Variants in VTA1 observed in about 807,000 individuals in gnomAD.
The protein encoded by VTA1 is vacuolar protein sorting-associated protein VTA1 homolog.
In VTA1, 24 loss-of-function variants were observed where a neutral mutation model predicts 36.9. The observed-to-expected ratio is 0.65, with a 90% CI of 0.47 to 0.91. The LOEUF (loss-of-function observed/expected upper bound fraction) is 0.91, where lower values mean the gene tolerates loss of function less well. Among genes scored for constraint, VTA1 ranks in the 40% least tolerant of loss-of-function variants. The pLI, the probability that VTA1 is intolerant of heterozygous loss-of-function variation, is 0.00. For synonymous variants in VTA1, 142 were observed against 130.2 expected (o/e 1.09, Z -0.62); for missense variants, 393 against 377.2 (o/e 1.04, Z -0.35).
Position 142,211,651 on chromosome 6 carries a change from C to T in VTA1, c.779-6847C>T, listed in dbSNP as rs537398305. ...GCATGAACACGGGAGGCAGAGCTTG[C>T]AGTGAGCTGAGATAGCACCACTGCA... On this transcript the variant is annotated intron_variant, in intron 7 of 7. Transcript: ENST00000367630. Among the ~76,000 whole-genome samples the T allele has an allele frequency of 4.0e-3, 600 of 148,568 alleles. 2 individuals carry two copies. Among genetic ancestry groups the T allele is most frequent in the African/African-American group, 0.014 (575 of 40,060 alleles).
rs557583994 is a variant in VTA1 at position 142,215,560 on chromosome 6, G to A, written c.779-2938G>A. Among the ~76,000 whole-genome samples, 6 of 152,256 alleles carry A rather than the reference G, an allele frequency of 3.9e-5. No individual in the cohort carries two copies. In the South Asian group the frequency reaches 1.2e-3, roughly 32 times the overall value. ...ACTACTATTGTTGGAATTGTTAAGT[G>A]ACATGTCTCAGCAATGCCTGTATGT... is the stretch of plus-strand genomic sequence containing the variant. On this transcript the variant is annotated intron_variant, in intron 7 of 7. Coordinates refer to ENST00000367630, the MANE Select transcript of VTA1 (RefSeq NM_016485.5).
chr6:142,216,836 A>C (rs548409337), intron 7 of VTA1, among the ~76,000 whole-genome samples: 1 of 152,338 alleles, frequency 6.6e-6, no homozygotes, highest in South Asian at 2.1e-4. Context: ...TTCTTTCAGC[A>C]TGTCCAGTAA....
chr6:142,190,099 C>A (rs1775426054), intron 5 of VTA1, among the ~76,000 whole-genome samples: 1 of 152,148 alleles, frequency 6.6e-6, no homozygotes, highest in Non-Finnish European at 1.5e-5. Context: ...ATAGGAAAGG[C>A]AATCCATTTA....
At chr6:142,158,059 G>A (rs1434281395) in intron 1 of VTA1, among the ~76,000 whole-genome samples, 4 of 145,698 alleles carry the variant, frequency 2.7e-5, no homozygotes, top group Non-Finnish European at 6.0e-5. Flanking sequence ...CCACACTTTT[G>A]TAGCTCCCCC....
chr6:142,221,746 A>G lies in VTA1; in HGVS notation c.*3103A>G, dbSNP rs928458206. The G allele has an allele frequency of 6.7e-6, 1 of 149,690 alleles. No homozygotes were observed. Among genetic ancestry groups the G allele is most frequent in the Non-Finnish European group, 1.5e-5 (1 of 67,572 alleles). 9.3% of individuals were successfully genotyped at this position (149,690 alleles called of 1,614,324 possible). On this transcript the variant is annotated 3_prime_UTR_variant, in exon 8 of 8. Transcript: ENST00000367630. ...GGCAGGCGGATCATCTGAGGTCAGG[A>G]GTATATATTTATTAATATATAAATA...
chr6:142,167,647 C>G (rs988871084), intron 2 of VTA1, among the ~76,000 whole-genome samples: 2 of 152,180 alleles, frequency 1.3e-5, no homozygotes, highest in African/African-American at 4.8e-5. Context: ...CAGTAGTGTT[C>G]TCTCTCACTT....
chr6:142,163,200 T>G (rs1395405452), intron 1 of VTA1, among the ~76,000 whole-genome samples: 1 of 152,108 alleles, frequency 6.6e-6, no homozygotes, highest in African/African-American at 2.4e-5. Flanking sequence ...CCCAGCTGAT[T>G]GCAGTTCAAA....
At chr6:142,209,297 C>CA (rs917303987) in intron 7 of VTA1, among the ~76,000 whole-genome samples, 3 of 151,500 alleles carry the variant, frequency 2.0e-5, no homozygotes, top group African/African-American at 7.3e-5. Flanking sequence ...ACCATAGCTA[C>CA]AAAAAAATAT....
chr6:142,147,533 G>A, intron 1 of VTA1, 134 bp downstream of exon 1: 3 of 878,110 alleles, frequency 3.4e-6, no homozygotes, highest in Non-Finnish European at 5.3e-6. Flanking sequence ...CCTACCCAGG[G>A]AACTCCCTGG....
chr6:142,166,530 G>A (rs1774918142), intron 2 of VTA1, among the ~76,000 whole-genome samples: 1 of 152,066 alleles, frequency 6.6e-6, no homozygotes, highest in Admixed American at 6.5e-5. Flanking sequence ...GTATGTTCAA[G>A]TATCTTTGCA....
rs536087217 is a variant in VTA1, at chr6:142,147,332, G to C, written c.45G>C (p.Lys15Asn). ...TGCCCCCGCTCCCCGCACAGTTCAA[G>C]AGCATACAGCATCATCTGAGGACGG... ...APLPPLPAQFKSIQHHLRTAQ... is the reference protein window; with the variant it reads ...APLPPLPAQFNSIQHHLRTAQ... The change falls in exon 1 of 8, where the codon AAG becomes AAC. Residue 15 changes from lysine to asparagine, a missense_variant. Transcript: ENST00000367630. The C allele has an allele frequency of 6.2e-7, 1 of 1,614,220 alleles. No individual in the cohort carries two copies. The highest frequency in any genetic ancestry group is 1.1e-5 in the South Asian group (1 of 91,084).
intron 1 of VTA1, among the ~76,000 whole-genome samples, chr6:142,165,909 T>G (rs1774904664): frequency 6.6e-6 from 1 of 152,068 alleles, no homozygotes; most frequent in Admixed American, 6.6e-5. Context: ...TACATATGGT[T>G]GTTTGCTGTG....
chr6:142,173,437 A>G (rs1775063771), intron 4 of VTA1, among the ~76,000 whole-genome samples: 1 of 152,152 alleles, frequency 6.6e-6, no homozygotes. Context: ...TGCCTGGCTA[A>G]TTTTTTGTAT....
intron 6 of VTA1, among the ~76,000 whole-genome samples, chr6:142,199,054 G>C (rs1321659214): frequency 6.6e-6 from 1 of 151,900 alleles, no homozygotes; most frequent in African/African-American, 2.4e-5. Flanking sequence ...CTGAAGATGG[G>C]TATTATTGAT....
chr6:142,198,115 ATATATGTGTGTGTGTGTGTGTG>A lies in VTA1; in HGVS notation c.521-322_521-301del, dbSNP rs1194812348. Among the ~76,000 whole-genome samples the A allele has an allele frequency of 3.2e-3, 248 of 76,546 alleles. 4 individuals are homozygous for A. Among genetic ancestry groups the A allele is most frequent in the African/African-American group, 8.9e-3 (221 of 24,772 alleles). The allele number at this position is 76,546 out of a possible 152,430, so 50.2% of individuals were successfully genotyped here. A position where few individuals can be genotyped will look rare whatever the true frequency, so the allele number is the denominator to read the frequency against. On this transcript the variant is annotated intron_variant, in intron 5 of 7. Transcript: ENST00000367630. ...CCGTCTCAAAAAAAAATATATATAT[ATATATGTGTGTGTGTGTGTGTG>A]TGTGTGTGTGTGTGTGTGTGTGTGT...
intron 4 of VTA1, among the ~76,000 whole-genome samples, chr6:142,185,159 C>G (rs776469089): frequency 2.6e-5 from 4 of 152,072 alleles, no homozygotes; most frequent in Non-Finnish European, 5.9e-5. Flanking sequence ...TCTTTATTCT[C>G]TGAACTGTTC....
chr6:142,204,264 C>T (rs1032376362), intron 7 of VTA1, among the ~76,000 whole-genome samples, 199 bp downstream of exon 7: 1 of 151,982 alleles, frequency 6.6e-6, no homozygotes, highest in Non-Finnish European at 1.5e-5. Flanking sequence ...TTAAAAATAC[C>T]AACATCCAAA....
chr6:142,214,533 C>G (rs1283141497), intron 7 of VTA1, among the ~76,000 whole-genome samples: 1 of 152,194 alleles, frequency 6.6e-6, no homozygotes, highest in African/African-American at 2.4e-5. Flanking sequence ...ATCCACTCAC[C>G]TCCTACCAGG....
chr6:142,181,051 G>A, intron 4 of VTA1, among the ~76,000 whole-genome samples: 1 of 119,970 alleles, frequency 8.3e-6, no homozygotes, highest in South Asian at 2.7e-4. Flanking sequence ...GGGACACCGT[G>A]TCTTCAATTT....
Sources: gnomAD v4.1 joint callset for allele counts (sites outside exome capture counted in the v4.1 genomes callset) on GRCh38, gnomAD v4.1.1 for gene constraint, MANE v1.5 for transcripts, NCBI Gene and HGNC (gene_info 2026-07-23, HGNC 2026-07-21) for gene names.